FBXL17: variants seen among roughly 807,000 people sequenced by gnomAD.
FBXL17 encodes F-box/LRR-repeat protein 17.
FBXL17 carries 22 observed loss-of-function variants against 66.2 expected under a neutral mutation model. The ratio of observed to expected loss-of-function variants is 0.33; its 90% confidence interval spans 0.24 to 0.47. The LOEUF (loss-of-function observed/expected upper bound fraction) is 0.47, where lower values mean the gene tolerates loss of function less well. Ranked by LOEUF, FBXL17 falls within the 20% of genes least tolerant of loss-of-function variation. The pLI, the probability that FBXL17 is intolerant of heterozygous loss-of-function variation, is 1.00. For synonymous variants in FBXL17, 474 were observed against 400.5 expected (o/e 1.18, Z -2.19); for missense variants, 878 against 948.2 (o/e 0.93, Z 0.97).
At chr5:108,207,602 G>C (rs1754177399) in intron 5 of FBXL17, among the ~76,000 whole-genome samples, 2 of 152,060 alleles carry the variant, frequency 1.3e-5, no homozygotes, top group South Asian at 2.1e-4. Context: ...GTCATAGTTT[G>C]CTGAGAATGA....
In FBXL17 at chr5:108,351,875, T is replaced by C. The variant is rs183358512; in HGVS notation, c.1375-3345A>G. Among the ~76,000 whole-genome samples, 45 of 152,352 alleles carry C rather than the reference T, an allele frequency of 3.0e-4. No individual in the cohort carries two copies. The South Asian group carries it at 7.5e-3, about 25-fold the overall frequency. ...GTGAAGTCTTAGACATCAATGTGCATGGACAAGTTGGTAGAACCTCAGGTT... is the reference window on the plus strand; with the variant it reads ...GTGAAGTCTTAGACATCAATGTGCACGGACAAGTTGGTAGAACCTCAGGTT... On this transcript the variant is annotated intron_variant, in intron 3 of 8. Transcript: ENST00000542267.
At chr5:107,984,385 T>C (rs1752939042) in intron 7 of FBXL17, among the ~76,000 whole-genome samples, 1 of 152,176 alleles carries the variant, frequency 6.6e-6, no homozygotes, top group South Asian at 2.1e-4. Flanking sequence ...TGAGCACATA[T>C]TGTTGGAATG....
intron 6 of FBXL17, among the ~76,000 whole-genome samples, chr5:108,094,645 T>C (rs146998546): frequency 1.3e-5 from 2 of 152,286 alleles, no homozygotes; most frequent in East Asian, 3.9e-4. Flanking sequence ...GTGTTCCTAC[T>C]ATTTTATGAA....
intron 6 of FBXL17, among the ~76,000 whole-genome samples, chr5:108,163,373 T>G (rs564388592): frequency 6.6e-6 from 1 of 151,340 alleles, no homozygotes; most frequent in Non-Finnish European, 1.5e-5. Context: ...ATGTCAACAA[T>G]GCAGGACATG....
Position 107,901,217 on chromosome 5 carries a change from A to G in FBXL17, c.1823-20038T>C, listed in dbSNP as rs1188507493. On this transcript the variant is annotated intron_variant, in intron 7 of 8. Transcript: ENST00000542267. The stretch of plus-strand genomic sequence containing the variant: ...AAAGAGTTCCATATAAGTGAAATAA[A>G]CACATAGCACAATCTTACTACTTTA... Among the ~76,000 whole-genome samples, 5 of 152,188 alleles carry G rather than the reference A, an allele frequency of 3.3e-5. No individual in the cohort carries two copies. The East Asian group carries it at 9.6e-4, about 29-fold the overall frequency.
intron 7 of FBXL17, among the ~76,000 whole-genome samples, chr5:108,001,290 T>C (rs1254603643): frequency 3.3e-5 from 5 of 152,180 alleles, no homozygotes; most frequent in African/African-American, 1.2e-4. Context: ...CATGTGTGAA[T>C]GTTTTTATGT....
chr5:108,365,799 T>C (rs73216346), intron 2 of FBXL17, among the ~76,000 whole-genome samples: 3,590 of 152,068 alleles, frequency 0.024, 144 homozygotes, highest in African/African-American at 0.082. Context: ...CAGTTAGTGT[T>C]AGAAAATTGT....
chr5:108,231,637 T>C (rs559382098), intron 4 of FBXL17, among the ~76,000 whole-genome samples: 2 of 152,176 alleles, frequency 1.3e-5, no homozygotes, highest in East Asian at 1.9e-4. Context: ...GACACAACAA[T>C]GATTCCATTA....
intron 5 of FBXL17, among the ~76,000 whole-genome samples, chr5:108,194,217 G>T (rs894844050): frequency 1.3e-5 from 2 of 152,016 alleles, no homozygotes; most frequent in African/African-American, 4.8e-5. Flanking sequence ...TTCTCACTAC[G>T]CTCGGTGAAC....
intron 7 of FBXL17, among the ~76,000 whole-genome samples, chr5:107,997,273 T>C (rs1561359129): frequency 1.3e-5 from 2 of 152,314 alleles, no homozygotes; most frequent in South Asian, 2.1e-4. Flanking sequence ...ATATTGAAGG[T>C]TGATAACTGT....
intron 7 of FBXL17, among the ~76,000 whole-genome samples, chr5:107,902,405 T>C (rs1206853847): frequency 6.6e-6 from 1 of 152,178 alleles, no homozygotes; most frequent in African/African-American, 2.4e-5. Context: ...CAGCAGGTTT[T>C]TAAAGAAATA....
chr5:108,084,741 T>C (rs1407538075), intron 6 of FBXL17, among the ~76,000 whole-genome samples: 1 of 152,180 alleles, frequency 6.6e-6, no homozygotes, highest in Non-Finnish European at 1.5e-5. Flanking sequence ...CAGCCTGCAA[T>C]CTCAACCACT....
At chr5:108,360,399 TA>T (rs920806647) in intron 3 of FBXL17, among the ~76,000 whole-genome samples, 26 of 152,246 alleles carry the variant, frequency 1.7e-4, no homozygotes, top group African/African-American at 5.8e-4. Context: ...TTCGACACTT[TA>T]AATATTGTTA....
chr5:107,885,988 CA>C (rs1433017284), intron 7 of FBXL17, among the ~76,000 whole-genome samples: 2 of 151,822 alleles, frequency 1.3e-5, no homozygotes, highest in African/African-American at 4.8e-5. Flanking sequence ...GGAATACAAA[CA>C]GTAACAAATG....
chr5:107,968,897 T>C (rs1158824640), intron 7 of FBXL17, among the ~76,000 whole-genome samples: 1 of 151,868 alleles, frequency 6.6e-6, no homozygotes, highest in Non-Finnish European at 1.5e-5. Flanking sequence ...AAAGTAGGAA[T>C]ACAAGAACAC....
intron 7 of FBXL17, among the ~76,000 whole-genome samples, chr5:107,980,712 A>G (rs967041284): frequency 1.5e-4 from 18 of 120,934 alleles, no homozygotes; most frequent in African/African-American, 6.1e-4. Flanking sequence ...GCTGGAGTGC[A>G]GTGGCGCGAT....
chr5:108,253,545 G>A (rs1376516319), intron 4 of FBXL17, among the ~76,000 whole-genome samples: 2 of 152,052 alleles, frequency 1.3e-5, no homozygotes, highest in African/African-American at 4.8e-5. Context: ...CTTTACAAGA[G>A]GAAAATGAAT....
In FBXL17 at chr5:108,064,619, T is replaced by C. The variant is rs796686441; in HGVS notation, c.1746-43618A>G. Among the ~76,000 whole-genome samples, 17 of 152,348 alleles carry C rather than the reference T, an allele frequency of 1.1e-4. 1 individual carries two copies. Among genetic ancestry groups the C allele is most frequent in the African/African-American group, 3.8e-4 (16 of 41,578 alleles). ...GAGAAGCCTCTCTGGGATAAACTCATGAAAACCAAACTCCTTTATAATGTG... is the reference window on the plus strand; with the variant it reads ...GAGAAGCCTCTCTGGGATAAACTCACGAAAACCAAACTCCTTTATAATGTG... On this transcript the variant is annotated intron_variant, in intron 6 of 8. Transcript: ENST00000542267.
intron 4 of FBXL17, among the ~76,000 whole-genome samples, chr5:108,284,932 C>T (rs971707101): frequency 1.4e-4 from 22 of 151,938 alleles, no homozygotes; most frequent in African/African-American, 5.3e-4. Context: ...GCTGTTTGAT[C>T]ATATTTTACC....
Sources: gnomAD v4.1 joint callset for allele counts (sites outside exome capture counted in the v4.1 genomes callset) on GRCh38, gnomAD v4.1.1 for gene constraint, MANE v1.5 for transcripts, NCBI Gene and HGNC (gene_info 2026-07-23, HGNC 2026-07-21) for gene names.